Variants in PLSCR1 observed in about 807,000 individuals in gnomAD.
PLSCR1 encodes the protein phospholipid scramblase 1, also known as PL scramblase 1.
PLSCR1 carries 17 observed loss-of-function variants against 37.8 expected under a neutral mutation model. That is an observed-to-expected ratio of 0.45 (90% CI 0.31 to 0.68). The LOEUF is 0.68. Ranked by LOEUF, PLSCR1 falls within the 30% of genes least tolerant of loss-of-function variation. The pLI is 0.06. For synonymous variants in PLSCR1, 116 were observed against 125.9 expected (o/e 0.92, Z 0.53); for missense variants, 347 against 380.9 (o/e 0.91, Z 0.74).
chr3:146,539,756 C>T (rs1295872208), intron 1 of PLSCR1, among the ~76,000 whole-genome samples: 1 of 152,178 alleles, frequency 6.6e-6, no homozygotes, highest in Non-Finnish European at 1.5e-5. Flanking sequence ...AAATCTGGGT[C>T]TTTGCTTTAC....
At chr3:146,518,204 T>C (rs343318) in intron 7 of PLSCR1, among the ~76,000 whole-genome samples, 13,958 of 152,232 alleles carry the variant, frequency 0.092, 758 homozygotes, top group African/African-American at 0.14. Context: ...AGATATGACA[T>C]GAGTAGTGTC....
At position 146,515,992 on chromosome 3, in the gene PLSCR1, G is replaced by A. The variant is rs1576776840; in HGVS notation, c.*53C>T. ...ATTCATACAGGTATGAGTTTAGATA[G>A]TCTCAATCAATATACAGACTTCAGA... On this transcript the variant is annotated 3_prime_UTR_variant, in exon 9 of 9. Coordinates refer to ENST00000342435, the MANE Select transcript of PLSCR1 (RefSeq NM_021105.3). 4.5e-6 allele frequency: 5 copies of A among 1,114,890 alleles called. No homozygotes were observed. 69.1% of individuals were successfully genotyped at this position (1,114,890 alleles called of 1,614,324 possible). A position where few individuals can be genotyped will look rare whatever the true frequency, so the allele number is the denominator to read the frequency against.
At position 146,523,729 on chromosome 3, in the gene PLSCR1, C is replaced by A. The variant is rs76171975; in HGVS notation, c.356-1676G>T. ...AACTCTGCACCTTTGCTGGGCTAAT[C>A]TATCTTCATGAGGGAAACAGATGGC... On this transcript the variant is annotated intron_variant, in intron 5 of 8. Transcript: ENST00000342435. Among the ~76,000 whole-genome samples the A allele has an allele frequency of 5.1e-3, 776 of 152,304 alleles. 9 individuals are homozygous for A. The highest frequency in any genetic ancestry group is 0.017 in the African/African-American group (711 of 41,560).
intron 8 of PLSCR1, 138 bp downstream of exon 8, chr3:146,516,868 G>A (rs896378811): frequency 8.1e-6 from 5 of 614,268 alleles, no homozygotes; most frequent in Admixed American, 3.6e-5. Context: ...TAGAATTTCA[G>A]AGCTAGGATT....
chr3:146,533,557 T>C lies in PLSCR1; in HGVS notation c.14-7A>G. On this transcript the variant is annotated splice_region_variant and splice_polypyrimidine_tract_variant and intron_variant, in intron 2 of 8. Coordinates refer to ENST00000342435, the MANE Select transcript of PLSCR1 (RefSeq NM_021105.3). ...GAAGCATTCATCTGTGAGTCTGCAA[T>C]TCAAGGAGAGGTAAATAGATGTCTG... 1 of 1,575,124 alleles carries C rather than the reference T, an allele frequency of 6.3e-7. No individual in the cohort carries two copies. Among genetic ancestry groups the C allele is most frequent in the Non-Finnish European group, 8.7e-7 (1 of 1,147,090 alleles).
At chr3:146,522,571 C>T (rs1193943098) in intron 5 of PLSCR1, among the ~76,000 whole-genome samples, 1 of 152,188 alleles carries the variant, frequency 6.6e-6, no homozygotes, top group African/African-American at 2.4e-5. Context: ...CCACAGGGAC[C>T]TCTGCCTAGG....
At chr3:146,528,904 CATCT>C (rs1332844918) in intron 3 of PLSCR1, 73 bp from the exon 4 acceptor site, 1 of 1,052,284 alleles carries the variant, frequency 9.5e-7, no homozygotes. Context: ...AGGGTTATGC[CATCT>C]ATCTATAAGT....
intron 5 of PLSCR1, among the ~76,000 whole-genome samples, chr3:146,525,282 C>T (rs1325164859): frequency 2.6e-5 from 4 of 152,206 alleles, no homozygotes; most frequent in African/African-American, 9.7e-5. Flanking sequence ...CATTCTTAAG[C>T]TGATCACAAT....
Position 146,516,029 on chromosome 3 carries a change from G to C in PLSCR1, c.*16C>G, listed in dbSNP as rs1363977740. The C allele has an allele frequency of 1.3e-6, 2 of 1,559,040 alleles. No homozygotes were observed. Among genetic ancestry groups the C allele is most frequent in the Non-Finnish European group, 1.8e-6 (2 of 1,131,314 alleles). The stretch of plus-strand genomic sequence containing the variant: ...ATACAGACTTCAGATTTCCTGAGGA[G>C]ACTTTCACTAATCCACTACCACACT... On this transcript the variant is annotated 3_prime_UTR_variant, in exon 9 of 9. Transcript: ENST00000342435.
At chr3:146,540,350 T>C (rs1368472181) in intron 1 of PLSCR1, among the ~76,000 whole-genome samples, 3 of 152,304 alleles carry the variant, frequency 2.0e-5, no homozygotes, top group East Asian at 1.9e-4. Context: ...AAATCATAAG[T>C]TCCCATTGCT....
intron 2 of PLSCR1, among the ~76,000 whole-genome samples, chr3:146,536,291 A>G (rs1423825350): frequency 2.0e-5 from 3 of 152,212 alleles, no homozygotes; most frequent in Non-Finnish European, 4.4e-5. Context: ...CATATTTCCC[A>G]ATAAATCTAG....
Position 146,517,144 on chromosome 3 carries a change from A to G in PLSCR1, c.762T>C (p.Cys254=), listed in dbSNP as rs1182989084. Residue 254 remains cysteine, a synonymous_variant, in exon 8 of 9, where the codon TGT becomes TGC. Transcript: ENST00000342435. ...DFEIKSLDEQ[C]VVGKISKHWT... ...AGTGCTTGGAAATTTTGCCAACCAC[A>G]CACTGTTCATCAAGAGATTTAATCT... The G allele has an allele frequency of 2.6e-6, 4 of 1,562,056 alleles. No individual in the cohort carries two copies. Among genetic ancestry groups the G allele is most frequent in the Non-Finnish European group, 3.5e-6 (4 of 1,157,238 alleles).
At position 146,517,069 on chromosome 3, in the gene PLSCR1, G is replaced by A; in HGVS notation, c.837C>T (p.Ile279=). ...TAACATCAAGGTCTAAAGGGAACTG[G>A]ATTCCAAAGTTATCAGCGTCTGTAA... ...EAFTDADNFG[I]QFPLDLDVKM... Residue 279 remains isoleucine, a synonymous_variant, in exon 8 of 9, where the codon ATC becomes ATT. Transcript: ENST00000342435. The A allele has an allele frequency of 1.9e-6, 3 of 1,603,202 alleles. No homozygotes were observed. The highest frequency in any genetic ancestry group is 1.7e-6 in the Non-Finnish European group (2 of 1,174,124).
chr3:146,523,688 G>T (rs343311), intron 5 of PLSCR1, among the ~76,000 whole-genome samples: 1 of 152,008 alleles, frequency 6.6e-6, no homozygotes, highest in Non-Finnish European at 1.5e-5. Context: ...TATCTAGACC[G>T]TGGGAATCCT....
intron 4 of PLSCR1, 117 bp from the exon 5 acceptor site, chr3:146,525,764 T>C: frequency 3.9e-6 from 2 of 513,400 alleles, no homozygotes; most frequent in South Asian, 3.3e-5. Context: ...ATTATCAATA[T>C]TTAACAGCTT....
intron 4 of PLSCR1, among the ~76,000 whole-genome samples, chr3:146,525,874 G>T (rs548849380): frequency 1.3e-5 from 2 of 152,030 alleles, no homozygotes; most frequent in African/African-American, 4.8e-5. Context: ...AAATAAAATT[G>T]ATTTATACTG....
chr3:146,528,160 C>T (rs539145736), intron 4 of PLSCR1: 4 of 155,756 alleles, frequency 2.6e-5, no homozygotes, highest in East Asian at 3.8e-4. Context: ...AGTATTGAGA[C>T]TAAAGAGCAC....
chr3:146,532,566 AC>A (rs1312087418), intron 3 of PLSCR1, among the ~76,000 whole-genome samples: 1 of 152,186 alleles, frequency 6.6e-6, no homozygotes, highest in Non-Finnish European at 1.5e-5. Flanking sequence ...GAGATCCGGG[AC>A]CCGCAGGGAG....
chr3:146,536,430 A>T (rs1273133880), intron 2 of PLSCR1, 110 bp downstream of exon 2: 8 of 679,832 alleles, frequency 1.2e-5, no homozygotes, highest in Non-Finnish European at 2.1e-5. Context: ...AAACAACAGA[A>T]AACAAATTAT....
Sources: gnomAD v4.1 joint callset for allele counts (sites outside exome capture counted in the v4.1 genomes callset) on GRCh38, gnomAD v4.1.1 for gene constraint, MANE v1.5 for transcripts, NCBI Gene and HGNC (gene_info 2026-07-23, HGNC 2026-07-21) for gene names.